Variants in GMPS observed in about 807,000 individuals in gnomAD.
GMPS encodes the protein guanosine monophosphate synthase.
A neutral mutation model predicts 77.9 loss-of-function variants in GMPS; 15 were observed. The ratio of observed to expected loss-of-function variants is 0.19; its 90% confidence interval spans 0.13 to 0.30. GMPS has a LOEUF of 0.30. Among genes scored for constraint, GMPS ranks in the 10% least tolerant of loss-of-function variants. The pLI, the probability that GMPS is intolerant of heterozygous loss-of-function variation, is 1.00. For missense variants in GMPS, 590 were observed against 838.8 expected (o/e 0.70, Z 3.66); for synonymous variants, 224 against 275.9 (o/e 0.81, Z 1.86).
intron 11 of GMPS, 86 bp from the exon 12 acceptor site, chr3:155,925,155 T>C (rs2108130387): frequency 8.1e-7 from 1 of 1,227,458 alleles, no homozygotes; most frequent in Non-Finnish European, 1.1e-6. Flanking sequence ...TAAAAACCAG[T>C]AAAATACATA....
intron 9 of GMPS, among the ~76,000 whole-genome samples, chr3:155,918,021 T>A (rs1755229601): frequency 6.6e-6 from 1 of 152,250 alleles, no homozygotes; most frequent in Non-Finnish European, 1.5e-5. Context: ...TTAATTTTTT[T>A]GAGGAACTTA....
At chr3:155,933,058 G>A (rs936369689) in intron 13 of GMPS, among the ~76,000 whole-genome samples, 2 of 152,122 alleles carry the variant, frequency 1.3e-5, no homozygotes, top group Non-Finnish European at 2.9e-5. Context: ...CAGGCATGGT[G>A]GTGTGTGCCT....
intron 3 of GMPS, among the ~76,000 whole-genome samples, chr3:155,900,690 C>G (rs1162425220): frequency 6.6e-6 from 1 of 152,128 alleles, no homozygotes; most frequent in Non-Finnish European, 1.5e-5. Context: ...ATAGCCAAAG[C>G]CAGGCCTGCT....
chr3:155,926,521 A>G (rs1366939906), intron 12 of GMPS, among the ~76,000 whole-genome samples: 2 of 152,142 alleles, frequency 1.3e-5, no homozygotes, highest in Non-Finnish European at 2.9e-5. Context: ...TGTAGAATAT[A>G]CATATGTAAC....
intron 8 of GMPS, among the ~76,000 whole-genome samples, chr3:155,915,111 G>A (rs1378341133): frequency 6.6e-6 from 1 of 151,888 alleles, no homozygotes. Context: ...ACATTGCCAG[G>A]CTATTATTTT....
intron 1 of GMPS, among the ~76,000 whole-genome samples, chr3:155,879,002 T>A (rs1425916490): frequency 1.3e-5 from 2 of 152,098 alleles, no homozygotes; most frequent in Non-Finnish European, 2.9e-5. Context: ...GTGTCCTAGC[T>A]CCAGAAGGGA....
In GMPS at chr3:155,906,379, CT is replaced by C. The variant is rs978242537; in HGVS notation, c.526+124del. ...TCCTTTTTCTTCTGATTTTTCTTCT[CT>C]TTTTTTTAAAGATAATAATGAATGT... On this transcript the variant is annotated intron_variant, in intron 5 of 15. Transcript: ENST00000496455. 15 of 552,628 alleles carry C rather than the reference CT, an allele frequency of 2.7e-5. 1 individual carries two copies. The highest frequency in any genetic ancestry group is 2.4e-4 in the South Asian group (8 of 32,964). 34.2% of individuals were successfully genotyped at this position (552,628 alleles called of 1,614,324 possible). A position where few individuals can be genotyped will look rare whatever the true frequency, so the allele number is the denominator to read the frequency against.
At chr3:155,904,316 G>A (rs1251537022) in intron 4 of GMPS, among the ~76,000 whole-genome samples, 3 of 150,396 alleles carry the variant, frequency 2.0e-5, no homozygotes, top group Non-Finnish European at 4.4e-5. Flanking sequence ...TCGAGACGGA[G>A]TCTCCCTCTG....
Position 155,870,764 on chromosome 3 carries a change from G to T in GMPS, c.-107G>T. On this transcript the variant is annotated 5_prime_UTR_variant, in exon 1 of 16. Transcript: ENST00000496455. ...TCCTCTCCGCTGCCGGCTGCTCCTCGACCAGGCCTCCTTCTCAACCTCAGC... is the reference window on the plus strand; with the variant it reads ...TCCTCTCCGCTGCCGGCTGCTCCTCTACCAGGCCTCCTTCTCAACCTCAGC... 2.8e-6 allele frequency: 2 copies of T among 727,136 alleles called. No individual in the cohort carries two copies. Among genetic ancestry groups the T allele is most frequent in the South Asian group, 1.6e-5 (1 of 61,936 alleles). The allele number at this position is 727,136 out of a possible 1,614,324, so 45.0% of individuals were successfully genotyped here. A position where few individuals can be genotyped will look rare whatever the true frequency, so the allele number is the denominator to read the frequency against.
At chr3:155,872,304 A>G (rs967878375) in intron 1 of GMPS, among the ~76,000 whole-genome samples, 27 of 152,230 alleles carry the variant, frequency 1.8e-4, no homozygotes, top group African/African-American at 6.5e-4. Context: ...CCAAGGCACC[A>G]GTGGTGCTTA....
rs778164742 is a variant in GMPS, at chr3:155,870,858, G to A, written c.-13G>A. ...CTGTCGCCGTCACCGCCGCGGCTCC[G>A]GCCCTGGCCCCGATGGCTCTGTGCA... On this transcript the variant is annotated 5_prime_UTR_variant, in exon 1 of 16. Transcript: ENST00000496455. The A allele has an allele frequency of 6.7e-7, 1 of 1,500,766 alleles. No individual in the cohort carries two copies. Among genetic ancestry groups the A allele is most frequent in the Admixed American group, 2.1e-5 (1 of 47,042 alleles). 93.0% of individuals were successfully genotyped at this position (1,500,766 alleles called of 1,614,324 possible). A position where few individuals can be genotyped will look rare whatever the true frequency, so the allele number is the denominator to read the frequency against.
chr3:155,886,646 A>T (rs1754346761), intron 1 of GMPS, among the ~76,000 whole-genome samples: 1 of 101,214 alleles, frequency 9.9e-6, no homozygotes, highest in Non-Finnish European at 1.8e-5. Flanking sequence ...TTTGACACAG[A>T]GTCTTGCTCT....
At chr3:155,918,294 A>C (rs1381211106) in intron 9 of GMPS, among the ~76,000 whole-genome samples, 2 of 152,184 alleles carry the variant, frequency 1.3e-5, no homozygotes, top group Admixed American at 1.3e-4. Flanking sequence ...TACTAAAAAT[A>C]CAAAAAAATT....
chr3:155,914,705 T>TATGTGGCTGAGA, intron 8 of GMPS, 135 bp downstream of exon 8: 1 of 540,482 alleles, frequency 1.9e-6, no homozygotes, highest in East Asian at 3.2e-5. Context: ...AGAGTTTTAT[T>TATGTGGCTGAGA]GTATATTGTC....
intron 3 of GMPS, among the ~76,000 whole-genome samples, chr3:155,903,598 T>G (rs1352810825): frequency 1.3e-5 from 2 of 152,238 alleles, no homozygotes; most frequent in Non-Finnish European, 2.9e-5. Flanking sequence ...TAAAGTACAC[T>G]AAGTGGAAAA....
chr3:155,914,790 A>G (rs1243100110), intron 8 of GMPS, among the ~76,000 whole-genome samples: 1 of 151,180 alleles, frequency 6.6e-6, no homozygotes, highest in Non-Finnish European at 1.5e-5. Context: ...TTTGAGACAG[A>G]GTCTTGCTGT....
At position 155,941,208 on chromosome 3, in the gene GMPS, T is replaced by G. The variant is rs1755881361; in HGVS notation, c.*3516T>G. 1 of 176,942 alleles carries G rather than the reference T, an allele frequency of 5.7e-6. No individual in the cohort carries two copies. The highest frequency in any genetic ancestry group is 2.0e-4 in the South Asian group (1 of 5,020). The allele number at this position is 176,942 out of a possible 1,614,324, so 11.0% of individuals were successfully genotyped here. On this transcript the variant is annotated 3_prime_UTR_variant, in exon 16 of 16. Coordinates refer to ENST00000496455, the MANE Select transcript of GMPS (RefSeq NM_003875.3). ...TCACGAGATCAGGAGATCGAGACCA[T>G]CTTGGCTAACACGGTGAAACCCCAT...
At position 155,873,638 on chromosome 3, in the gene GMPS, C is replaced by CTTTTTTT. The variant is rs58365650; in HGVS notation, c.27+2749_27+2755dup. Reference sequence around the variant, plus strand: ...TGTCGTTAGGTTACATGAGTAAGTTCTTTTTTTTTTTTTTGAGATGGAGTC... The same window carrying CTTTTTTT: ...TGTCGTTAGGTTACATGAGTAAGTTCTTTTTTTTTTTTTTTTTTTTTGAGATGGAGTC... On this transcript the variant is annotated intron_variant, in intron 1 of 15. Coordinates refer to ENST00000496455, the MANE Select transcript of GMPS (RefSeq NM_003875.3). Among the ~76,000 whole-genome samples, 2 of 82,576 alleles carry CTTTTTTT rather than the reference C, an allele frequency of 2.4e-5. 1 individual carries two copies. The allele number at this position is 82,576 out of a possible 152,430, so 54.2% of individuals were successfully genotyped here. A position where few individuals can be genotyped will look rare whatever the true frequency, so the allele number is the denominator to read the frequency against.
chr3:155,894,033 T>A (rs1363801155), intron 2 of GMPS, among the ~76,000 whole-genome samples: 1 of 152,200 alleles, frequency 6.6e-6, no homozygotes, highest in Admixed American at 6.5e-5. Flanking sequence ...TTGGCTAGAA[T>A]ACTCCAAAGA....
Sources: gnomAD v4.1 joint callset for allele counts (sites outside exome capture counted in the v4.1 genomes callset) on GRCh38, gnomAD v4.1.1 for gene constraint, MANE v1.5 for transcripts, NCBI Gene and HGNC (gene_info 2026-07-23, HGNC 2026-07-21) for gene names.